Variants in CNKSR3 observed in about 807,000 individuals in gnomAD.
CNKSR3 encodes the protein CNKSR family member 3.
In CNKSR3, 36 loss-of-function variants were observed where a neutral mutation model predicts 67.7. The observed-to-expected ratio is 0.53, with a 90% CI of 0.41 to 0.70. The LOEUF is 0.70. CNKSR3 is among the 30% of genes least tolerant of loss of function. The pLI is 0.00. For synonymous variants in CNKSR3, 281 were observed against 271.4 expected, an observed-to-expected ratio of 1.04 and a Z score of -0.35; for missense variants, 630 against 695.2, an observed-to-expected ratio of 0.91 and a Z score of 1.05.
At chr6:154,494,834 C>T (rs1786847107) in intron 1 of CNKSR3, among the ~76,000 whole-genome samples, 1 of 152,192 alleles carries the variant, frequency 6.6e-6, no homozygotes, top group Admixed American at 6.5e-5. Flanking sequence ...GGCTCACCCA[C>T]CCAAACACCA....
rs1784705147 is a variant in CNKSR3 at position 154,400,503 on chromosome 6, C to T, written c.*5851G>A. ...GAGTGCAGTATGTGGCCCAAAGGTT[C>T]TGAAAAACTGTGTGTGACAGTCTCC... On this transcript the variant is annotated 3_prime_UTR_variant, in exon 13 of 13. Coordinates refer to ENST00000607772, the MANE Select transcript of CNKSR3 (RefSeq NM_173515.4). The T allele has an allele frequency of 6.6e-6, 1 of 152,194 alleles. No individual in the cohort carries two copies. Among genetic ancestry groups the T allele is most frequent in the African/African-American group, 2.4e-5 (1 of 41,444 alleles). 9.4% of individuals were successfully genotyped at this position (152,194 alleles called of 1,614,324 possible). A position where few individuals can be genotyped will look rare whatever the true frequency, so the allele number is the denominator to read the frequency against.
At chr6:154,497,028 T>G (rs926086461) in intron 1 of CNKSR3, among the ~76,000 whole-genome samples, 6 of 152,080 alleles carry the variant, frequency 3.9e-5, no homozygotes, top group African/African-American at 1.4e-4. Context: ...ATAAGCATTG[T>G]GAAGGCGAAA....
At chr6:154,478,265 C>T (rs1400737301) in intron 1 of CNKSR3, 5 of 152,650 alleles carry the variant, frequency 3.3e-5, no homozygotes, top group African/African-American at 9.6e-5. Flanking sequence ...TAACACACCT[C>T]GCTGCTTCCA....
At chr6:154,407,505 C>G (rs952340164) in intron 12 of CNKSR3, among the ~76,000 whole-genome samples, 2 of 152,098 alleles carry the variant, frequency 1.3e-5, no homozygotes, top group African/African-American at 4.8e-5. Context: ...TATTTTTATG[C>G]TTATTTTTAT....
At chr6:154,493,188 T>C (rs567683266) in intron 1 of CNKSR3, among the ~76,000 whole-genome samples, 2 of 152,272 alleles carry the variant, frequency 1.3e-5, no homozygotes, top group East Asian at 3.9e-4. Flanking sequence ...ACACATGCAC[T>C]CGCTGTTCCC....
intron 1 of CNKSR3, among the ~76,000 whole-genome samples, chr6:154,495,542 A>AT (rs57229246): frequency 0.035 from 4,851 of 138,806 alleles, 202 homozygotes; most frequent in African/African-American, 0.099. Context: ...TCATTTTAAC[A>AT]TTTTTTTTTT....
At chr6:154,498,096 T>A (rs1786913186) in intron 1 of CNKSR3, among the ~76,000 whole-genome samples, 1 of 152,200 alleles carries the variant, frequency 6.6e-6, no homozygotes, top group East Asian at 1.9e-4. Flanking sequence ...GCTGAATACA[T>A]CAGGGCATGA....
intron 2 of CNKSR3, among the ~76,000 whole-genome samples, chr6:154,443,140 T>C (rs1034672668): frequency 6.6e-6 from 1 of 151,744 alleles, no homozygotes; most frequent in African/African-American, 2.4e-5. Context: ...TCAGGCACAA[T>C]GCCCCCCTCG....
chr6:154,423,105 A>T, intron 7 of CNKSR3, 122 bp from the exon 8 acceptor site: 2 of 644,228 alleles, frequency 3.1e-6, no homozygotes, highest in African/African-American at 1.8e-5. Flanking sequence ...GGAAAAATAA[A>T]ACAATGCACT....
At chr6:154,425,277 T>C (rs985675130) in intron 7 of CNKSR3, among the ~76,000 whole-genome samples, 1 of 152,244 alleles carries the variant, frequency 6.6e-6, no homozygotes, top group Non-Finnish European at 1.5e-5. Flanking sequence ...AGGAAGTCCC[T>C]GTCTCTAGAT....
At position 154,456,707 on chromosome 6, in the gene CNKSR3, C is replaced by CA. The variant is rs10536163; in HGVS notation, c.53-6450dup. ...AGGTGACAAGAATGAAACTCTGTCT[C>CA]AAAAAAAAAAAAAAAAAAAAAAAAA... On this transcript the variant is annotated intron_variant, in intron 1 of 12. Coordinates refer to ENST00000607772, the MANE Select transcript of CNKSR3 (RefSeq NM_173515.4). 8.7e-3 allele frequency among the ~76,000 whole-genome samples: 396 copies of CA among 45,376 alleles called. 36 individuals carry two copies. The highest frequency in any genetic ancestry group is 0.022 in the African/African-American group (256 of 11,764). 29.8% of individuals were successfully genotyped at this position (45,376 alleles called of 152,430 possible). A position where few individuals can be genotyped will look rare whatever the true frequency, so the allele number is the denominator to read the frequency against.
chr6:154,478,323 A>G (rs1222057273), intron 1 of CNKSR3: 1 of 152,544 alleles, frequency 6.6e-6, no homozygotes, highest in Non-Finnish European at 1.5e-5. Context: ...AGCATCACCC[A>G]CACACCTATC....
chr6:154,436,790 C>G (rs1050916965), intron 4 of CNKSR3, among the ~76,000 whole-genome samples: 3 of 152,178 alleles, frequency 2.0e-5, no homozygotes, highest in Non-Finnish European at 4.4e-5. Flanking sequence ...CCCTTCCCAC[C>G]TTGGGGTCCT....
chr6:154,481,041 T>C (rs1157980740), intron 1 of CNKSR3, among the ~76,000 whole-genome samples: 1 of 152,172 alleles, frequency 6.6e-6, no homozygotes, highest in African/African-American at 2.4e-5. Context: ...TACTTATTTA[T>C]GCTTATTTGA....
chr6:154,494,595 G>C (rs1186371847), intron 1 of CNKSR3, among the ~76,000 whole-genome samples: 1 of 152,008 alleles, frequency 6.6e-6, no homozygotes, highest in Non-Finnish European at 1.5e-5. Flanking sequence ...ATTAAGTAAA[G>C]GATTTATTAA....
intron 1 of CNKSR3, among the ~76,000 whole-genome samples, chr6:154,477,494 T>C (rs1333903429): frequency 6.6e-6 from 1 of 151,268 alleles, no homozygotes; most frequent in African/African-American, 2.4e-5. Context: ...TTTTTTTCTG[T>C]ATTTTTAGTA....
rs138736283 is a variant in CNKSR3 at position 154,483,000 on chromosome 6, T to C, written c.52+27063A>G. On this transcript the variant is annotated intron_variant, in intron 1 of 12. Coordinates refer to ENST00000607772, the MANE Select transcript of CNKSR3 (RefSeq NM_173515.4). ...CAGCTGTTTCCTAGCATTCATTATC[T>C]GTTTCCTCCAAGGCCAGGAAAACTG... Among the ~76,000 whole-genome samples the C allele has an allele frequency of 7.5e-4, 114 of 152,356 alleles. 1 individual carries two copies. The highest frequency in any genetic ancestry group is 2.6e-3 in the African/African-American group (108 of 41,590).
chr6:154,469,578 C>G (rs1786278681), intron 1 of CNKSR3, among the ~76,000 whole-genome samples: 1 of 152,168 alleles, frequency 6.6e-6, no homozygotes, highest in Non-Finnish European at 1.5e-5. Context: ...TAGACAACAC[C>G]TCCACAAAAA....
chr6:154,479,486 T>C (rs1209142278), intron 1 of CNKSR3, among the ~76,000 whole-genome samples: 1 of 152,144 alleles, frequency 6.6e-6, no homozygotes, highest in Non-Finnish European at 1.5e-5. Context: ...AGAAAGAGCA[T>C]TCAGCTGCTC....
Sources: allele counts gnomAD v4.1 joint callset (sites outside exome capture counted in the v4.1 genomes callset), GRCh38; gene constraint gnomAD v4.1.1; transcripts MANE v1.5; gene names NCBI Gene and HGNC (gene_info 2026-07-23, HGNC 2026-07-21).